PXDNL: variants seen among roughly 807,000 people sequenced by gnomAD.
The protein encoded by PXDNL is peroxidasin like.
A neutral mutation model predicts 150.8 loss-of-function variants in PXDNL; 145 were observed. The ratio of observed to expected loss-of-function variants is 0.96; its 90% CI spans 0.84 to 1.10. PXDNL has a LOEUF of 1.10. PXDNL is among the 50% of genes least tolerant of loss of function. The pLI, the probability that PXDNL is intolerant of heterozygous loss-of-function variation, is 0.00. For synonymous variants in PXDNL, 757 were observed against 725.7 expected (o/e 1.04, Z -0.69); for missense variants, 2,087 against 1,873.9 (o/e 1.11, Z -2.10).
intron 8 of PXDNL, among the ~76,000 whole-genome samples, chr8:51,468,985 T>C (rs1430698294): frequency 6.6e-6 from 1 of 152,040 alleles, no homozygotes; most frequent in Non-Finnish European, 1.5e-5. Context: ...TTTTTGCAAA[T>C]CACATCTTTC....
chr8:51,406,087 C>T (rs182900546), intron 17 of PXDNL, among the ~76,000 whole-genome samples: 1 of 152,206 alleles, frequency 6.6e-6, no homozygotes, highest in African/African-American at 2.4e-5. Context: ...TGGAGGCTAA[C>T]ACAGCTAACA....
Position 51,348,770 on chromosome 8 carries a change from A to G in PXDNL, c.3902-2823T>C, listed in dbSNP as rs112437738. On this transcript the variant is annotated intron_variant, in intron 19 of 22. Transcript: ENST00000356297. ...ACCTATACTCAATATTATCTTCCCT[A>G]TTGTTAACCTGAGGCACAGAAAGAT... is the stretch of plus-strand genomic sequence containing the variant. Among the ~76,000 whole-genome samples, 229 of 152,226 alleles carry G rather than the reference A, an allele frequency of 1.5e-3. 1 individual carries two copies. Among genetic ancestry groups the G allele is most frequent in the Admixed American group, 3.9e-3 (59 of 15,282 alleles).
chr8:51,506,568 A>C (rs951904168), intron 4 of PXDNL, among the ~76,000 whole-genome samples: 4 of 139,190 alleles, frequency 2.9e-5, no homozygotes, highest in African/African-American at 1.0e-4. Flanking sequence ...AAAAAAAAAA[A>C]CTAGTTACAG....
chr8:51,450,644 G>A (rs1809786207), intron 10 of PXDNL, among the ~76,000 whole-genome samples: 1 of 152,140 alleles, frequency 6.6e-6, no homozygotes, highest in Non-Finnish European at 1.5e-5. Flanking sequence ...TCTAAGTAAG[G>A]TGCTGGACTA....
chr8:51,366,407 CT>C (rs1174826877), intron 19 of PXDNL, among the ~76,000 whole-genome samples: 1 of 152,214 alleles, frequency 6.6e-6, no homozygotes, highest in Non-Finnish European at 1.5e-5. Context: ...CATAAATCTT[CT>C]TCCACCACGT....
chr8:51,744,990 AAGGG>A (rs1364837316), intron 1 of PXDNL, among the ~76,000 whole-genome samples: 2 of 22,852 alleles, frequency 8.8e-5, no homozygotes, highest in African/African-American at 2.5e-4. Context: ...GAAAGAAAGA[AAGGG>A]AGGGAGGGAA....
At position 51,638,463 on chromosome 8, in the gene PXDNL, G is replaced by A. The variant is rs535832266; in HGVS notation, c.236+16226C>T. Among the ~76,000 whole-genome samples the A allele has an allele frequency of 1.9e-4, 29 of 152,226 alleles. No individual in the cohort carries two copies. In the East Asian group the frequency reaches 4.6e-3, roughly 24 times the overall value. ...GCTGTATTCAGGAGACCCATCTCAC[G>A]TGCAGAGACACACATAGGCTCAAAA... is the stretch of plus-strand genomic sequence containing the variant. On this transcript the variant is annotated intron_variant, in intron 2 of 22. Coordinates refer to ENST00000356297, the MANE Select transcript of PXDNL (RefSeq NM_144651.5).
intron 4 of PXDNL, among the ~76,000 whole-genome samples, chr8:51,514,414 G>A (rs1237700251): frequency 6.6e-6 from 1 of 152,048 alleles, no homozygotes; most frequent in Non-Finnish European, 1.5e-5. Context: ...TGCTATATAC[G>A]GAACCATCCC....
At position 51,447,122 on chromosome 8, in the gene PXDNL, G is replaced by C; in HGVS notation, c.1407C>G (p.Ser469=). 1.2e-6 allele frequency: 2 copies of C among 1,613,920 alleles called. No homozygotes were observed. Among genetic ancestry groups the C allele is most frequent in the Non-Finnish European group, 1.7e-6 (2 of 1,179,862 alleles). ...LPVEGQHTVL[S]SGTLRIDRAA... ...CACGGTCAATTCTCAAAGTGCCAGA[G>C]GAGAGAACTGTATGCTGGCCTTCCA... Residue 469 remains serine, a synonymous_variant, in exon 12 of 23, where the codon TCC becomes TCG. Transcript: ENST00000356297.
At chr8:51,530,375 G>T (rs938229551) in intron 4 of PXDNL, among the ~76,000 whole-genome samples, 1 of 151,912 alleles carries the variant, frequency 6.6e-6, no homozygotes, top group Non-Finnish European at 1.5e-5. Context: ...AGTAGAAACA[G>T]TTCTCCGCTG....
At chr8:51,433,302 T>C (rs1809305026) in intron 12 of PXDNL, among the ~76,000 whole-genome samples, 1 of 151,282 alleles carries the variant, frequency 6.6e-6, no homozygotes, top group Non-Finnish European at 1.5e-5. Context: ...TTGTTTTATT[T>C]CTAAAAAAAG....
chr8:51,411,716 AT>A (rs1808657829), intron 15 of PXDNL, among the ~76,000 whole-genome samples: 1 of 152,148 alleles, frequency 6.6e-6, no homozygotes, highest in Non-Finnish European at 1.5e-5. Flanking sequence ...TGATGAATGG[AT>A]TATAGGAGGC....
intron 1 of PXDNL, among the ~76,000 whole-genome samples, chr8:51,668,078 A>G (rs1347586358): frequency 1.3e-5 from 2 of 151,986 alleles, no homozygotes; most frequent in African/African-American, 4.8e-5. Flanking sequence ...CAATGTAGCC[A>G]CTTAAAAGAA....
chr8:51,577,237 C>A lies in PXDNL; in HGVS notation c.308+15390G>T, dbSNP rs895196003. On this transcript the variant is annotated intron_variant, in intron 3 of 22. Coordinates refer to ENST00000356297, the MANE Select transcript of PXDNL (RefSeq NM_144651.5). ...AATAACCCTCATGAATATGGATACA[C>A]AAATTGTCAAGAAAATATTAGCAAT... Among the ~76,000 whole-genome samples, 56 of 151,728 alleles carry A rather than the reference C, an allele frequency of 3.7e-4. 1 individual carries two copies. Among genetic ancestry groups the A allele is most frequent in the African/African-American group, 1.3e-3 (53 of 41,468 alleles).
intron 1 of PXDNL, among the ~76,000 whole-genome samples, chr8:51,781,212 T>C (rs1302744018): frequency 1.3e-5 from 2 of 152,186 alleles, no homozygotes; most frequent in Admixed American, 6.5e-5. Context: ...CAGAAGGCTG[T>C]TTCCTTTGTG....
Position 51,411,601 on chromosome 8 carries a change from T to G in PXDNL, c.1905-194A>C, listed in dbSNP as rs567394139. On this transcript the variant is annotated intron_variant, in intron 15 of 22. Coordinates refer to ENST00000356297, the MANE Select transcript of PXDNL (RefSeq NM_144651.5). ...GCTAACAACTTATTCCAAATGTTAGTCCCAGTGCTGAACTCAAAAATATAT... is the reference window on the plus strand; with the variant it reads ...GCTAACAACTTATTCCAAATGTTAGGCCCAGTGCTGAACTCAAAAATATAT... Among the ~76,000 whole-genome samples the G allele has an allele frequency of 1.8e-3, 279 of 152,282 alleles. 3 individuals carry two copies. Among genetic ancestry groups the G allele is most frequent in the African/African-American group, 6.3e-3 (260 of 41,550 alleles).
chr8:51,782,587 A>G (rs1386394082), intron 1 of PXDNL, among the ~76,000 whole-genome samples: 2 of 152,234 alleles, frequency 1.3e-5, no homozygotes, highest in Non-Finnish European at 2.9e-5. Flanking sequence ...AAATTGTTCC[A>G]CACAAGAATA....
At chr8:51,447,237 A>G (rs1368530451) in intron 11 of PXDNL, 75 bp from the exon 12 acceptor site, 1 of 1,487,698 alleles carries the variant, frequency 6.7e-7, no homozygotes, top group Non-Finnish European at 9.2e-7. Flanking sequence ...TGTCCTGGCT[A>G]AAGGGTGAGG....
At chr8:51,635,434 C>G (rs1055910488) in intron 2 of PXDNL, among the ~76,000 whole-genome samples, 1 of 151,724 alleles carries the variant, frequency 6.6e-6, no homozygotes, top group Non-Finnish European at 1.5e-5. Flanking sequence ...TCAATGAAAC[C>G]AAAAGTTGGT....
Sources: allele counts gnomAD v4.1 joint callset (sites outside exome capture counted in the v4.1 genomes callset), GRCh38; gene constraint gnomAD v4.1.1; transcripts MANE v1.5; gene names NCBI Gene and HGNC (gene_info 2026-07-23, HGNC 2026-07-21).